The following HSPA12A variants were observed in gnomAD, a reference collection of about 807,000 sequenced individuals.
HSPA12A encodes heat shock 70 kDa protein 12A.
In HSPA12A, 28 loss-of-function variants were observed where a neutral mutation model predicts 69.2. The ratio of observed to expected loss-of-function variants is 0.40; its 90% CI spans 0.30 to 0.55. HSPA12A has a LOEUF of 0.55. Ranked by LOEUF, HSPA12A falls within the 20% of genes least tolerant of loss-of-function variation. The pLI is 0.38. For missense variants in HSPA12A, 686 were observed against 900.7 expected, an observed-to-expected ratio of 0.76 and a Z score of 3.05; for synonymous variants, 345 against 370.5, an observed-to-expected ratio of 0.93 and a Z score of 0.79.
At chr10:116,796,474 T>C (rs1237581488) in intron 2 of HSPA12A, among the ~76,000 whole-genome samples, 1 of 152,124 alleles carries the variant, frequency 6.6e-6, no homozygotes, top group African/African-American at 2.4e-5. Context: ...TCTGGGTCTC[T>C]GGACCCCACG....
chr10:116,846,520 T>C (rs1180991345), intron 1 of HSPA12A, among the ~76,000 whole-genome samples: 1 of 152,020 alleles, frequency 6.6e-6, no homozygotes, highest in Non-Finnish European at 1.5e-5. Flanking sequence ...CGGCTAATTT[T>C]TGTATTTTTA....
intron 2 of HSPA12A, among the ~76,000 whole-genome samples, chr10:116,790,510 C>A (rs10886012): frequency 2.6e-5 from 4 of 151,444 alleles, no homozygotes; most frequent in Non-Finnish European, 5.9e-5. Context: ...AACATCCAGC[C>A]CCAGGGCCTT....
At chr10:116,780,712 A>G (rs922783620) in intron 2 of HSPA12A, among the ~76,000 whole-genome samples, 34 of 152,296 alleles carry the variant, frequency 2.2e-4, no homozygotes, top group Admixed American at 1.1e-3. Flanking sequence ...TTCTTCATTA[A>G]AACATTGAAT....
chr10:116,729,606 C>T (rs1554885461), intron 1 of HSPA12A, among the ~76,000 whole-genome samples: 1 of 152,040 alleles, frequency 6.6e-6, no homozygotes, highest in Non-Finnish European at 1.5e-5. Context: ...TATGCATTCA[C>T]GAAATACCTA....
At position 116,780,065 on chromosome 10, in the gene HSPA12A, C is replaced by A. The variant is rs551825506; in HGVS notation, c.91+54870G>T. On this transcript the variant is annotated intron_variant, in intron 2 of 12. Coordinates refer to the HSPA12A transcript ENST00000635765. ...CTGTTTGGGCACTGCGTCCTTCTCA[C>A]GCGAAGGGCAAAGATCCCGTTCATC... Among the ~76,000 whole-genome samples, 5 of 152,286 alleles carry A rather than the reference C, an allele frequency of 3.3e-5. No individual in the cohort carries two copies. In the East Asian group the frequency reaches 9.7e-4, roughly 30 times the overall value.
intron 2 of HSPA12A, among the ~76,000 whole-genome samples, chr10:116,800,905 G>A (rs899032906): frequency 1.1e-4 from 16 of 152,190 alleles, no homozygotes; most frequent in African/African-American, 2.4e-4. Context: ...AACTGCAGCC[G>A]GGGGTGCTGG....
rs1312480941 is a variant in HSPA12A at position 116,805,828 on chromosome 10, AAC to A, written c.91+29105_91+29106del. ...AATCAAATCAAGTCTTTTCAATTAA[AAC>A]ACAATTAGAAAAGGTGTCAGGTTGT... On this transcript the variant is annotated intron_variant, in intron 2 of 12. Transcript: ENST00000635765. 3.9e-5 allele frequency among the ~76,000 whole-genome samples: 6 copies of A among 152,234 alleles called. No homozygotes were observed. In the East Asian group the frequency reaches 1.2e-3, roughly 29 times the overall value.
intron 2 of HSPA12A, among the ~76,000 whole-genome samples, chr10:116,752,168 G>A (rs1035904678): frequency 6.6e-6 from 1 of 152,150 alleles, no homozygotes; most frequent in Admixed American, 6.5e-5. Flanking sequence ...TCACCTGCTG[G>A]AAGTCTTGGG....
chr10:116,744,846 A>T (rs2133076590), upstream of HSPA12A, among the ~76,000 whole-genome samples: 2 of 152,312 alleles, frequency 1.3e-5, no homozygotes, highest in Middle Eastern at 6.8e-3. Flanking sequence ...GCTGGGGTTC[A>T]AGGCTCAGCA....
At chr10:116,794,385 C>A (rs2133157450) in intron 2 of HSPA12A, among the ~76,000 whole-genome samples, 1 of 152,212 alleles carries the variant, frequency 6.6e-6, no homozygotes, top group Non-Finnish European at 1.5e-5. Flanking sequence ...GGCTACAAGG[C>A]AAGCAAGCAG....
intron 1 of HSPA12A, among the ~76,000 whole-genome samples, chr10:116,734,433 G>C (rs1851248717): frequency 6.9e-6 from 1 of 145,844 alleles, no homozygotes; most frequent in Non-Finnish European, 1.5e-5. Context: ...TTGGGCAATA[G>C]AGCGAGACTC....
At chr10:116,715,108 T>C (rs980514858) in intron 1 of HSPA12A, among the ~76,000 whole-genome samples, 1 of 152,176 alleles carries the variant, frequency 6.6e-6, no homozygotes, top group East Asian at 1.9e-4. Flanking sequence ...GGCAAACCTA[T>C]GGACTAGAAG....
intron 1 of HSPA12A, chr10:116,708,196 A>G (rs1429739861): frequency 6.6e-6 from 1 of 152,100 alleles, no homozygotes; most frequent in Non-Finnish European, 1.5e-5. Context: ...CAGGGCACAG[A>G]GAAGCTGAGT....
chr10:116,748,891 C>A (rs1554888040), intron 2 of HSPA12A, among the ~76,000 whole-genome samples: 1 of 152,138 alleles, frequency 6.6e-6, no homozygotes, highest in Non-Finnish European at 1.5e-5. Flanking sequence ...ACAGCCAAAC[C>A]ATATCACTGG....
intron 1 of HSPA12A, among the ~76,000 whole-genome samples, chr10:116,848,746 C>T (rs1485960389): frequency 1.3e-5 from 2 of 152,146 alleles, no homozygotes; most frequent in African/African-American, 4.8e-5. Flanking sequence ...TGAGCCAAGG[C>T]CATTCCCCCA....
At chr10:116,763,932 G>A (rs1161752211) in intron 2 of HSPA12A, among the ~76,000 whole-genome samples, 1 of 152,144 alleles carries the variant, frequency 6.6e-6, no homozygotes, top group Non-Finnish European at 1.5e-5. Context: ...ACACTGATAG[G>A]ACCATGGCGT....
At chr10:116,780,042 GTTT>G in intron 2 of HSPA12A, among the ~76,000 whole-genome samples, 1 of 152,190 alleles carries the variant, frequency 6.6e-6, no homozygotes, top group Non-Finnish European at 1.5e-5. Context: ...AGAGCAAGCT[GTTT>G]GGGCACTGCG....
chr10:116,727,293 C>T (rs1188669587), intron 1 of HSPA12A, among the ~76,000 whole-genome samples: 1 of 152,160 alleles, frequency 6.6e-6, no homozygotes, highest in African/African-American at 2.4e-5. Context: ...CCAAGACAGG[C>T]TCATTCATGT....
At chr10:116,789,411 A>G (rs1412007279) in intron 2 of HSPA12A, among the ~76,000 whole-genome samples, 1 of 152,074 alleles carries the variant, frequency 6.6e-6, no homozygotes, top group Non-Finnish European at 1.5e-5. Flanking sequence ...CTCTTAGGAA[A>G]TAAGACTGGG....
Sources: allele counts gnomAD v4.1 joint callset (sites outside exome capture counted in the v4.1 genomes callset), GRCh38; gene constraint gnomAD v4.1.1; transcripts MANE v1.5; gene names NCBI Gene and HGNC (gene_info 2026-07-23, HGNC 2026-07-21).